NOTCH2: variants seen among roughly 807,000 people sequenced by gnomAD.
NOTCH2 encodes neurogenic locus notch homolog protein 2.
A neutral mutation model predicts 235.8 loss-of-function variants in NOTCH2; 29 were observed. That is an observed-to-expected ratio of 0.12 (90% CI 0.09 to 0.17). The LOEUF (loss-of-function observed/expected upper bound fraction) is 0.17, where lower values mean the gene tolerates loss of function less well. Among genes scored for constraint, NOTCH2 ranks in the 10% least tolerant of loss-of-function variants. NOTCH2 has a pLI of 1.00. For missense variants in NOTCH2, 2,285 were observed against 3,150.2 expected (o/e 0.73, Z 6.57); for synonymous variants, 1,086 against 1,141.5 (o/e 0.95, Z 0.98).
In NOTCH2 at chr1:119,940,635, G is replaced by A. The variant is rs781839292; in HGVS notation, c.3103C>T (p.Leu1035=). 6.2e-7 allele frequency: 1 copy of A among 1,613,930 alleles called. No homozygotes were observed. The highest frequency in any genetic ancestry group is 1.3e-5 in the African/African-American group (1 of 74,888). ...CCATCAACACACGTTCCCTCATTCA[G>A]GCATGGATGAGAGCTGCATTCATTG... The part of the protein sequence containing the change: ...EINECSSHPC[L]NEGTCVDGLG... The change falls in exon 19 of 34, where the codon CTG becomes TTG. Residue 1035 remains leucine (L), a synonymous_variant. Coordinates refer to ENST00000256646, the MANE Select transcript of NOTCH2 (RefSeq NM_024408.4).
At chr1:120,000,349 C>T (rs1652700275) in intron 3 of NOTCH2, among the ~76,000 whole-genome samples, 1 of 151,876 alleles carries the variant, frequency 6.6e-6, no homozygotes, top group Non-Finnish European at 1.5e-5. Context: ...TTGTGGCTAA[C>T]AAGGTGAAAG....
chr1:119,937,980 A>T lies in NOTCH2; in HGVS notation c.3214T>A (p.Cys1072Ser). Residue 1072 changes from cysteine (C) to serine (S), a missense_variant, in exon 20 of 34, where the codon TGT (cysteine) becomes AGT (serine). Around this residue, in one of 6 missense-constraint regions of NOTCH2, gnomAD observed 1,173 missense variants for 1,515.3 expected, o/e 0.77. Coordinates refer to ENST00000256646, the MANE Select transcript of NOTCH2 (RefSeq NM_024408.4). ...TLVNLCSRSP[C>S]KNKGTCVQKK... Reference sequence around the variant, plus strand: ...TGAACGCAAGTACCTTTGTTTTTACATGGAGACCGACTGCAGAGATTCACC... The same window carrying T: ...TGAACGCAAGTACCTTTGTTTTTACTTGGAGACCGACTGCAGAGATTCACC... 1 of 1,614,232 alleles carries T rather than the reference A, an allele frequency of 6.2e-7. No individual in the cohort carries two copies. The highest frequency in any genetic ancestry group is 8.5e-7 in the Non-Finnish European group (1 of 1,180,042).
chr1:119,986,637 A>G (rs1440085248), intron 5 of NOTCH2, among the ~76,000 whole-genome samples: 1 of 152,152 alleles, frequency 6.6e-6, no homozygotes, highest in African/African-American at 2.4e-5. Context: ...TTAAGCATCT[A>G]CTATGTTCCA....
In NOTCH2 at chr1:119,948,989, C is replaced by A; in HGVS notation, c.2599+18G>T. 1.9e-6 allele frequency: 3 copies of A among 1,614,148 alleles called. No homozygotes were observed. Among genetic ancestry groups the A allele is most frequent in the Non-Finnish European group, 2.5e-6 (3 of 1,180,010 alleles). ...GTCAGAATGCATGTTCTTGGCTTCT[C>A]CACACCCATGTTCTTACCTTGCCAG... On this transcript the variant is annotated intron_variant, in intron 16 of 33. Transcript: ENST00000256646.
At chr1:119,940,942 T>C (rs1650042842) in intron 18 of NOTCH2, among the ~76,000 whole-genome samples, 186 bp from the exon 19 acceptor site, 1 of 152,206 alleles carries the variant, frequency 6.6e-6, no homozygotes, top group African/African-American at 2.4e-5. Context: ...CTTTCTATAA[T>C]CAAAGGCTTA....
chr1:119,953,373 T>G (rs1570688078), intron 14 of NOTCH2, among the ~76,000 whole-genome samples, 170 bp downstream of exon 14: 2 of 152,096 alleles, frequency 1.3e-5, no homozygotes, highest in African/African-American at 4.8e-5. Flanking sequence ...AAGGTAGAAA[T>G]TGTATCTATT....
rs2101124428 is a variant in NOTCH2, at chr1:119,955,085, A to G, written c.2174T>C (p.Leu725Pro). The G allele has an allele frequency of 6.2e-7, 1 of 1,614,078 alleles. No homozygotes were observed. The highest frequency in any genetic ancestry group is 8.5e-7 in the Non-Finnish European group (1 of 1,179,974). ...PSCYSQVNEC[L>P]SNPCIHGNCT... ...GTTTCCATGGATGCAGGGATTGCTC[A>G]GGCATTCGTTCACCTGTGAGTAGCA... Residue 725 changes from leucine (L) to proline (P), a missense_variant, in exon 13 of 34, where the codon CTG (leucine) becomes CCG (proline). Transcript: ENST00000256646.
intron 29 of NOTCH2, 128 bp from the exon 30 acceptor site, chr1:119,920,525 C>T (rs587705170): frequency 9.6e-7 from 1 of 1,037,246 alleles, no homozygotes; most frequent in Admixed American, 1.9e-5. Flanking sequence ...TCCTCCACCC[C>T]TCCAGAGGAT....
At chr1:120,039,290 T>G (rs1428189862) in intron 1 of NOTCH2, among the ~76,000 whole-genome samples, 1 of 152,238 alleles carries the variant, frequency 6.6e-6, no homozygotes, top group Non-Finnish European at 1.5e-5. Flanking sequence ...TGTTATTCCA[T>G]GTCTTGTCTT....
At chr1:119,967,938 G>A (rs782141802) in intron 7 of NOTCH2, 139 bp downstream of exon 7, 186 of 939,126 alleles carry the variant, frequency 2.0e-4, no homozygotes, top group Non-Finnish European at 3.0e-4. Context: ...AAGGTCACTT[G>A]TAAACACTGG....
rs766982712 is a variant in NOTCH2, at chr1:119,916,125, T to C, written c.6597A>G (p.Leu2199=). 5.0e-6 allele frequency: 8 copies of C among 1,614,020 alleles called. No individual in the cohort carries two copies. The highest frequency in any genetic ancestry group is 1.6e-4 in the Middle Eastern group (1 of 6,084). ...PPAPVHAQHA[L]SFSNLHEMQP... is the part of the protein sequence containing the mutation. ...GCATTTCATGAAGGTTAGAAAAAGA[T>C]AGTGCATGCTGGGCATGGACTGGGG... Residue 2199 remains leucine, a synonymous_variant, in exon 34 of 34, where the codon CTA becomes CTG. Coordinates refer to ENST00000256646, the MANE Select transcript of NOTCH2 (RefSeq NM_024408.4).
chr1:119,912,515 C>T lies in NOTCH2; in HGVS notation c.*2791G>A, dbSNP rs1023542912. On this transcript the variant is annotated 3_prime_UTR_variant, in exon 34 of 34. Transcript: ENST00000256646. ...TTTAATTCTCAGACTCTCTTTCCCT[C>T]ATACCTTTCCCTTCCCCACCTCACA... 37 of 233,162 alleles carry T rather than the reference C, an allele frequency of 1.6e-4. No individual in the cohort carries two copies. Among genetic ancestry groups the T allele is most frequent in the Non-Finnish European group, 1.7e-5 (2 of 117,996 alleles). 14.4% of individuals were successfully genotyped at this position (233,162 alleles called of 1,614,324 possible).
chr1:119,959,272 C>T, intron 12 of NOTCH2, 120 bp downstream of exon 12: 1 of 722,378 alleles, frequency 1.4e-6, no homozygotes, highest in Non-Finnish European at 2.6e-6. Flanking sequence ...GAGAAACAGA[C>T]TACTAACCCT....
intron 5 of NOTCH2, among the ~76,000 whole-genome samples, chr1:119,983,827 A>C (rs954543342): frequency 2.0e-5 from 3 of 152,222 alleles, no homozygotes; most frequent in Non-Finnish European, 1.5e-5. Flanking sequence ...CGTAACTATC[A>C]GGTTCTTCTC....
intron 4 of NOTCH2, among the ~76,000 whole-genome samples, chr1:119,989,300 A>T (rs1463021282): frequency 6.6e-6 from 1 of 152,198 alleles, no homozygotes; most frequent in Non-Finnish European, 1.5e-5. Context: ...CATGTAAAAG[A>T]ATCAAGTTAG....
chr1:119,996,048 T>A (rs1363290094), intron 4 of NOTCH2: 5 of 153,402 alleles, frequency 3.3e-5, no homozygotes, highest in African/African-American at 1.2e-4. Context: ...ACAGTTTTCC[T>A]TCTTTTGTTT....
At chr1:120,048,269 G>C (rs1256373224) in intron 1 of NOTCH2, among the ~76,000 whole-genome samples, 2 of 139,072 alleles carry the variant, frequency 1.4e-5, no homozygotes, top group Non-Finnish European at 3.0e-5. Flanking sequence ...AAGAAACAAT[G>C]CTTGTCCATA....
At position 119,941,562 on chromosome 1, in the gene NOTCH2, A is replaced by G. The variant is rs992092842; in HGVS notation, c.2945T>C (p.Val982Ala). ...CTCATTGATGTTGTTCTCACAATGG[A>G]CTCCATCAAATCCTGCCTGGCACTT... The part of the protein sequence containing the change: ...TCKCQAGFDG[V>A]HCENNINECT... The change falls in exon 18 of 34, where the codon GTC becomes GCC. Residue 982 changes from valine to alanine, a missense_variant. By Grantham distance (64) the Val-to-Ala change is moderately conservative. This residue lies in a region of NOTCH2 where 1,173 missense variants were observed against 1,515.3 expected (regional missense o/e 0.77). Coordinates refer to ENST00000256646, the MANE Select transcript of NOTCH2 (RefSeq NM_024408.4). The G allele has an allele frequency of 2.5e-6, 4 of 1,613,894 alleles. No homozygotes were observed. Among genetic ancestry groups the G allele is most frequent in the Non-Finnish European group, 3.4e-6 (4 of 1,179,944 alleles).
At chr1:119,942,150 T>A (rs1220576239) in intron 17 of NOTCH2, among the ~76,000 whole-genome samples, 3 of 152,204 alleles carry the variant, frequency 2.0e-5, no homozygotes, top group Non-Finnish European at 4.4e-5. Flanking sequence ...TCCAGGCATA[T>A]TAATTATATA....
Sources: allele counts gnomAD v4.1 joint callset (sites outside exome capture counted in the v4.1 genomes callset), GRCh38; gene constraint gnomAD v4.1.1; regional missense constraint gnomAD v4.1.1; transcripts MANE v1.5; gene names NCBI Gene and HGNC (gene_info 2026-07-23, HGNC 2026-07-21).